CARD10: variants seen among roughly 807,000 people sequenced by gnomAD.
The protein encoded by CARD10 is caspase recruitment domain family member 10.
A neutral mutation model predicts 114.6 loss-of-function variants in CARD10; 49 were observed. That is an observed-to-expected ratio of 0.43 (90% confidence interval 0.34 to 0.54). CARD10 has a LOEUF of 0.54. Ranked by LOEUF, CARD10 falls within the 20% of genes least tolerant of loss-of-function variation. CARD10 has a pLI of 0.03. For missense variants in CARD10, 1,206 were observed against 1,397.2 expected, an observed-to-expected ratio of 0.86 and a Z score of 2.18; for synonymous variants, 602 against 593.2, an observed-to-expected ratio of 1.01 and a Z score of -0.21.
intron 18 of CARD10, 100 bp from the exon 19 acceptor site, chr22:37,491,967 G>C: frequency 1.3e-6 from 1 of 769,424 alleles, no homozygotes; most frequent in Non-Finnish European, 2.2e-6. Flanking sequence ...CTTCCCAGAT[G>C]CAAGTCCTGC....
intron 4 of CARD10, among the ~76,000 whole-genome samples, chr22:37,509,706 C>CCCGTG (rs1923555870): frequency 7.2e-6 from 1 of 139,230 alleles, no homozygotes; most frequent in Non-Finnish European, 1.6e-5. Context: ...CCCCCTCAAC[C>CCCGTG]CCCATGGCCA....
At position 37,506,304 on chromosome 22, in the gene CARD10, C is replaced by A; in HGVS notation, c.1271G>T (p.Arg424Leu). Reference protein sequence around the residue: ...IEKDQYRKQVRGLEAERDELL... With the variant: ...IEKDQYRKQVLGLEAERDELL... ...CTCATCCCGCTCCGCCTCCAGGCCC[C>A]GCACCTGCTTGCGGTACTGGTCCTT... The change falls in exon 7 of 20, where the codon CGG becomes CTG. Residue 424 changes from arginine (R) to leucine (L), a missense_variant. Coordinates refer to ENST00000251973, the MANE Select transcript of CARD10 (RefSeq NM_014550.4). 6.2e-7 allele frequency: 1 copy of A among 1,610,900 alleles called. No individual in the cohort carries two copies. The highest frequency in any genetic ancestry group is 8.5e-7 in the Non-Finnish European group (1 of 1,178,560).
rs1294943741 is a variant in CARD10, at chr22:37,506,183, C to T, written c.1383+9G>A. The T allele has an allele frequency of 2.0e-6, 3 of 1,525,876 alleles. No homozygotes were observed. The highest frequency in any genetic ancestry group is 2.6e-5 in the South Asian group (2 of 76,426). The allele number at this position is 1,525,876 out of a possible 1,614,324, so 94.5% of individuals were successfully genotyped here. The stretch of plus-strand genomic sequence containing the variant: ...CCTGCCAGGACCTCCACAATCTTGA[C>T]CCGCTCACCTTGAGGCAGGTGCCAC... On this transcript the variant is annotated intron_variant, in intron 7 of 19. Coordinates refer to ENST00000251973, the MANE Select transcript of CARD10 (RefSeq NM_014550.4).
chr22:37,517,543 G>A (rs1923880400), intron 2 of CARD10, among the ~76,000 whole-genome samples: 1 of 152,168 alleles, frequency 6.6e-6, no homozygotes, highest in Non-Finnish European at 1.5e-5. Flanking sequence ...TCGGGAGGCT[G>A]AGGCAGGAGA....
At chr22:37,517,004 C>T (rs2145777836) in intron 2 of CARD10, among the ~76,000 whole-genome samples, 1 of 152,330 alleles carries the variant, frequency 6.6e-6, no homozygotes, top group East Asian at 1.9e-4. Context: ...GGCCCTTACA[C>T]ATTCCTGGTA....
chr22:37,502,737 G>T lies in CARD10; in HGVS notation c.1664-12C>A. 1 of 1,611,588 alleles carries T rather than the reference G, an allele frequency of 6.2e-7. No homozygotes were observed. Among genetic ancestry groups the T allele is most frequent in the Non-Finnish European group, 8.5e-7 (1 of 1,179,036 alleles). ...AAGTGTCACACTCCCTGGGGAAAAA[G>T]AATGAGGTTCAGGGATCTGGCACTG... On this transcript the variant is annotated splice_polypyrimidine_tract_variant and intron_variant, in intron 10 of 19. Coordinates refer to ENST00000251973, the MANE Select transcript of CARD10 (RefSeq NM_014550.4).
At position 37,506,163 on chromosome 22, in the gene CARD10, C is replaced by G. The variant is rs376286650; in HGVS notation, c.1383+29G>C. 52 of 1,424,334 alleles carry G rather than the reference C, an allele frequency of 3.7e-5. No individual in the cohort carries two copies. The African/African-American group carries it at 1.0e-3, about 28-fold the overall frequency. The allele number at this position is 1,424,334 out of a possible 1,614,324, so 88.2% of individuals were successfully genotyped here. On this transcript the variant is annotated intron_variant, in intron 7 of 19. Transcript: ENST00000251973. ...CCTGCCAGGACCCCAGCCTTCCTGC[C>G]AGGACCTCCACAATCTTGACCCGCT... is the stretch of plus-strand genomic sequence containing the variant.
chr22:37,509,276 C>A (rs1383263741), intron 4 of CARD10: 8 of 715,828 alleles, frequency 1.1e-5, no homozygotes, highest in Non-Finnish European at 2.2e-6. Flanking sequence ...AGCCCTAGGG[C>A]CCCCAGGCCA....
At chr22:37,508,452 T>A (rs937869749) in intron 5 of CARD10, 75 bp downstream of exon 5, 1 of 1,422,862 alleles carries the variant, frequency 7.0e-7, no homozygotes, top group Non-Finnish European at 9.3e-7. Flanking sequence ...AAGCAGATGC[T>A]CAGGGAAGGC....
At position 37,506,302 on chromosome 22, in the gene CARD10, C is replaced by T; in HGVS notation, c.1273G>A (p.Gly425Ser). The T allele has an allele frequency of 6.2e-7, 1 of 1,610,986 alleles. No individual in the cohort carries two copies. Among genetic ancestry groups the T allele is most frequent in the Non-Finnish European group, 8.5e-7 (1 of 1,178,604 alleles). The change falls in exon 7 of 20, where the codon GGC becomes AGC. Residue 425 changes from glycine to serine, a missense_variant. Coordinates refer to ENST00000251973, the MANE Select transcript of CARD10 (RefSeq NM_014550.4). ...AGCTCATCCCGCTCCGCCTCCAGGCCCCGCACCTGCTTGCGGTACTGGTCC... is the reference window on the plus strand; with the variant it reads ...AGCTCATCCCGCTCCGCCTCCAGGCTCCGCACCTGCTTGCGGTACTGGTCC... Reference protein sequence around the residue: ...EKDQYRKQVRGLEAERDELLT... With the variant: ...EKDQYRKQVRSLEAERDELLT...
chr22:37,506,478 G>A, intron 6 of CARD10, 95 bp from the exon 7 acceptor site: 1 of 905,314 alleles, frequency 1.1e-6, no homozygotes, highest in Non-Finnish European at 1.6e-6. Flanking sequence ...TAAGGAGAAT[G>A]GCAGCTATCA....
chr22:37,504,667 C>T lies in CARD10; in HGVS notation c.1486G>A (p.Ala496Thr). The T allele has an allele frequency of 6.4e-7, 1 of 1,558,886 alleles. No individual in the cohort carries two copies. Among genetic ancestry groups the T allele is most frequent in the Non-Finnish European group, 8.7e-7 (1 of 1,155,138 alleles). ...TGAGGCTCAGGTCCCCCCATGACAG[C>T]TGCCTCCCCAGTTGCTTCTGGGCCT... ...LGGPEATGEA[A>T]VMGGPEPHNS... Residue 496 changes from alanine (A) to threonine (T), a missense_variant, in exon 8 of 20, where the codon GCT becomes ACT. Around this residue, in one of 2 missense-constraint regions of CARD10, gnomAD observed 1,068 missense variants for 1,179.1 expected, o/e 0.91. Transcript: ENST00000251973.
chr22:37,496,105 T>C lies in CARD10; in HGVS notation c.2060-102A>G. ...CCAAAGACATGGCCCTCTCGAGGCC[T>C]GAGTTCCCAGGACCCGACCTTCACC... is the stretch of plus-strand genomic sequence containing the variant. On this transcript the variant is annotated intron_variant, in intron 13 of 19. Transcript: ENST00000251973. This position sits in a 1 kb window ranked among gnomAD's most constrained non-coding sequence, Gnocchi z 4.1. The C allele has an allele frequency of 1.4e-6, 2 of 1,461,118 alleles. No individual in the cohort carries two copies. The highest frequency in any genetic ancestry group is 2.3e-5 in the East Asian group (1 of 43,262). The allele number at this position is 1,461,118 out of a possible 1,614,324, so 90.5% of individuals were successfully genotyped here. A position where few individuals can be genotyped will look rare whatever the true frequency, so the allele number is the denominator to read the frequency against.
At chr22:37,510,990 G>A (rs1447042659) in intron 3 of CARD10, among the ~76,000 whole-genome samples, 5 of 151,088 alleles carry the variant, frequency 3.3e-5, no homozygotes, top group African/African-American at 4.9e-5. Flanking sequence ...ATTGAGGCAC[G>A]AGAATCATTT....
Position 37,491,111 on chromosome 22 carries a change from C to T in CARD10, c.*48G>A. 6.9e-7 allele frequency: 1 copy of T among 1,439,082 alleles called. No individual in the cohort carries two copies. The highest frequency in any genetic ancestry group is 9.5e-7 in the Non-Finnish European group (1 of 1,052,398). 89.1% of individuals were successfully genotyped at this position (1,439,082 alleles called of 1,614,324 possible). On this transcript the variant is annotated 3_prime_UTR_variant, in exon 20 of 20. Coordinates refer to ENST00000251973, the MANE Select transcript of CARD10 (RefSeq NM_014550.4). The stretch of plus-strand genomic sequence containing the variant: ...GGAGGGCCCAGCTTCACCATAGACA[C>T]CAGGGTCCACGCTGGCTTGGGGAGA...
rs1163499248 is a variant in CARD10, at chr22:37,516,040, A to G, written c.632T>C (p.Met211Thr). 4.4e-6 allele frequency: 7 copies of G among 1,602,478 alleles called. No individual in the cohort carries two copies. Among genetic ancestry groups the G allele is most frequent in the South Asian group, 1.1e-5 (1 of 89,306 alleles). Residue 211 changes from methionine (M) to threonine (T), a missense_variant, in exon 3 of 20, where the codon ATG becomes ACG. By Grantham distance (81) the Met-to-Thr change is moderately conservative. Around this residue, in one of 2 missense-constraint regions of CARD10, gnomAD observed 1,068 missense variants for 1,179.1 expected, o/e 0.91. Coordinates refer to ENST00000251973, the MANE Select transcript of CARD10 (RefSeq NM_014550.4). ...RLKDENYMIA[M>T]RLAQLSEEKN... ...CTCCTCACTGAGCTGTGCCAGGCGC[A>G]TGGCGATCATGTAGTTCTCATCCTT...
chr22:37,514,447 C>T (rs544829556), intron 3 of CARD10, among the ~76,000 whole-genome samples: 62 of 151,830 alleles, frequency 4.1e-4, no homozygotes, highest in African/African-American at 1.3e-3. Context: ...AGAAAGCCTC[C>T]GTCTCCTGCC....
chr22:37,507,721 C>A lies in CARD10; in HGVS notation c.1191+108G>T, dbSNP rs151286884. 2.9e-6 allele frequency: 4 copies of A among 1,364,080 alleles called. No individual in the cohort carries two copies. The East Asian group carries it at 9.2e-5, about 31-fold the overall frequency. 84.5% of individuals were successfully genotyped at this position (1,364,080 alleles called of 1,614,324 possible). A position where few individuals can be genotyped will look rare whatever the true frequency, so the allele number is the denominator to read the frequency against. The stretch of plus-strand genomic sequence containing the variant: ...TGCCCCGTCCTAACCCAACAGGGAG[C>A]GGCTAACGTCTCTTTCTACCATTCT... On this transcript the variant is annotated intron_variant, in intron 6 of 19. Coordinates refer to ENST00000251973, the MANE Select transcript of CARD10 (RefSeq NM_014550.4).
intron 9 of CARD10, among the ~76,000 whole-genome samples, chr22:37,503,797 C>T (rs74843098): frequency 0.015 from 2,215 of 152,276 alleles, 43 homozygotes; most frequent in Admixed American, 0.042. Context: ...TTTTTCTGGT[C>T]CCTATTTGCT....
Sources: gnomAD v4.1 joint callset for allele counts (sites outside exome capture counted in the v4.1 genomes callset) on GRCh38, gnomAD v4.1.1 for gene constraint, gnomAD v4.1.1 regional missense constraint, Gnocchi (gnomAD v3.1) non-coding constraint, MANE v1.5 for transcripts, NCBI Gene and HGNC (gene_info 2026-07-23, HGNC 2026-07-21) for gene names.